Variants in CLVS2 observed in about 807,000 individuals in gnomAD.
CLVS2 encodes clavesin-2.
A neutral mutation model predicts 29.0 loss-of-function variants in CLVS2; 19 were observed. The observed-to-expected ratio is 0.66, with a 90% CI of 0.46 to 0.96. The LOEUF is 0.96. Ranked by LOEUF, CLVS2 falls within the 40% of genes least tolerant of loss-of-function variation. The probability of loss-of-function intolerance (pLI) is 0.00; values close to 1 mark genes in which losing one functional copy is unlikely to be tolerated. For missense variants in CLVS2, 294 were observed against 404.1 expected (o/e 0.73, Z 2.34); for synonymous variants, 161 against 151.3 (o/e 1.06, Z -0.47).
In CLVS2 at chr6:123,063,718, A is replaced by T; in HGVS notation, c.941A>T (p.Lys314Ile). ...CCTACAGTACTAAAACGCATGGATA[A>T]AAATGAGGAAGAAAACATGCAACCA... ...VDPTVLKRMD[K>I]NEEENMQPLL... The change falls in exon 6 of 6, where the codon AAA (lysine) becomes ATA (isoleucine). Residue 314 changes from lysine to isoleucine, a missense_variant. Around this residue, in one of 2 missense-constraint regions of CLVS2, gnomAD observed 82 missense variants for 67.8 expected, o/e 1.21. Transcript: ENST00000275162. The T allele has an allele frequency of 1.9e-6, 3 of 1,612,530 alleles. No individual in the cohort carries two copies.
At chr6:123,018,610 A>G (rs1774875239) in intron 3 of CLVS2, among the ~76,000 whole-genome samples, 1 of 150,722 alleles carries the variant, frequency 6.6e-6, no homozygotes, top group Non-Finnish European at 1.5e-5. Context: ...CTCTTGTTCT[A>G]TTCTCTTAAG....
intron 3 of CLVS2, among the ~76,000 whole-genome samples, chr6:123,039,936 G>T (rs1775204028): frequency 6.6e-6 from 1 of 152,148 alleles, no homozygotes; most frequent in Non-Finnish European, 1.5e-5. Context: ...TCAGGACTCA[G>T]ACATTTCACT....
intron 3 of CLVS2, among the ~76,000 whole-genome samples, chr6:123,048,232 G>T (rs1772545221): frequency 6.6e-6 from 1 of 151,614 alleles, no homozygotes; most frequent in Non-Finnish European, 1.5e-5. Flanking sequence ...TTAAAAAATA[G>T]ATTTTAATAT....
chr6:123,010,147 T>A (rs1774728216), intron 2 of CLVS2, among the ~76,000 whole-genome samples: 1 of 152,054 alleles, frequency 6.6e-6, no homozygotes, highest in Admixed American at 6.6e-5. Flanking sequence ...GTCCTCACAT[T>A]GTCACAGTAT....
At chr6:123,023,010 G>A (rs903058416) in intron 3 of CLVS2, among the ~76,000 whole-genome samples, 2 of 152,106 alleles carry the variant, frequency 1.3e-5, no homozygotes, top group African/African-American at 4.8e-5. Flanking sequence ...TTTAGTTAGG[G>A]AAAGGGAAGT....
chr6:123,012,109 T>C (rs928314255), intron 3 of CLVS2, among the ~76,000 whole-genome samples: 1 of 151,950 alleles, frequency 6.6e-6, no homozygotes, highest in Non-Finnish European at 1.5e-5. Context: ...ATGTTTCTTC[T>C]CCATATAGGT....
chr6:123,062,706 C>A (rs1477708367), intron 5 of CLVS2, among the ~76,000 whole-genome samples: 1 of 151,992 alleles, frequency 6.6e-6, no homozygotes, highest in Non-Finnish European at 1.5e-5. Context: ...TTTTCATTTG[C>A]ATGTGCAGTT....
chr6:123,007,074 T>C (rs1474190653), intron 2 of CLVS2, among the ~76,000 whole-genome samples: 1 of 152,200 alleles, frequency 6.6e-6, no homozygotes, highest in African/African-American at 2.4e-5. Context: ...TGTTAAAAAC[T>C]TTACATATAT....
At chr6:123,005,361 C>G (rs745899933) in intron 2 of CLVS2, among the ~76,000 whole-genome samples, 3 of 152,098 alleles carry the variant, frequency 2.0e-5, no homozygotes, top group Non-Finnish European at 4.4e-5. Flanking sequence ...TCCCCTCCCC[C>G]TAGCACCTTC....
chr6:123,055,695 C>T, intron 4 of CLVS2, 111 bp from the exon 5 acceptor site: 1 of 743,798 alleles, frequency 1.3e-6, no homozygotes, highest in Non-Finnish European at 2.4e-6. Context: ...CTTTAACAGA[C>T]ATGCGAAACT....
chr6:123,038,943 G>A (rs1208651905), intron 3 of CLVS2, among the ~76,000 whole-genome samples: 1 of 152,126 alleles, frequency 6.6e-6, no homozygotes. Flanking sequence ...GACATAACAA[G>A]TATGTTTTGA....
chr6:123,018,058 A>G (rs36004796), intron 3 of CLVS2, among the ~76,000 whole-genome samples: 1 of 152,238 alleles, frequency 6.6e-6, no homozygotes, highest in African/African-American at 2.4e-5. Flanking sequence ...TTGAAGTAAC[A>G]CAAAGGAAAG....
chr6:123,026,385 A>G (rs1421185071), intron 3 of CLVS2, among the ~76,000 whole-genome samples: 2 of 152,216 alleles, frequency 1.3e-5, no homozygotes, highest in East Asian at 3.9e-4. Context: ...TAAAAAGTAA[A>G]GCAAATTATT....
intron 2 of CLVS2, among the ~76,000 whole-genome samples, chr6:122,999,186 T>C (rs1774554045): frequency 6.6e-6 from 1 of 152,190 alleles, no homozygotes; most frequent in Admixed American, 6.5e-5. Context: ...AATGGTGACT[T>C]TCAATGCATC....
intron 3 of CLVS2, among the ~76,000 whole-genome samples, chr6:123,027,547 A>G (rs1020659404): frequency 3.3e-5 from 5 of 152,222 alleles, no homozygotes; most frequent in African/African-American, 1.2e-4. Context: ...CCTTGCCTTT[A>G]GCCTGCCCCT....
intron 3 of CLVS2, among the ~76,000 whole-genome samples, chr6:123,011,686 A>G (rs572542844): frequency 6.6e-6 from 1 of 152,024 alleles, no homozygotes; most frequent in Admixed American, 6.6e-5. Context: ...TGGAATTTAT[A>G]TAGGAATAGT....
chr6:123,004,376 A>G (rs536663112), intron 2 of CLVS2, among the ~76,000 whole-genome samples: 1 of 152,340 alleles, frequency 6.6e-6, no homozygotes, highest in South Asian at 2.1e-4. Flanking sequence ...CCACAGCAGT[A>G]AAATTAAAGC....
At chr6:123,051,588 G>A (rs1466371834) in intron 4 of CLVS2, among the ~76,000 whole-genome samples, 2 of 152,180 alleles carry the variant, frequency 1.3e-5, no homozygotes, top group African/African-American at 4.8e-5. Flanking sequence ...TGGGAAACAG[G>A]TTTTCCTACT....
At position 122,996,760 on chromosome 6, in the gene CLVS2, C is replaced by T. The variant is rs556716525; in HGVS notation, c.-560+14C>T. On this transcript the variant is annotated intron_variant, in intron 1 of 5. Coordinates refer to ENST00000275162, the MANE Select transcript of CLVS2 (RefSeq NM_001010852.4). ...CTGGGTTTGCTGGTAGGAGCGGCTG[C>T]TCTTTCTTCTTTCTTGCTTTGGGGT... is the stretch of plus-strand genomic sequence containing the variant. The T allele has an allele frequency of 1.2e-5, 2 of 166,736 alleles. No homozygotes were observed. The highest frequency in any genetic ancestry group is 2.4e-5 in the African/African-American group (1 of 41,602). The allele number at this position is 166,736 out of a possible 1,614,324, so 10.3% of individuals were successfully genotyped here. A position where few individuals can be genotyped will look rare whatever the true frequency, so the allele number is the denominator to read the frequency against.
Sources: gnomAD v4.1 joint callset for allele counts (sites outside exome capture counted in the v4.1 genomes callset) on GRCh38, gnomAD v4.1.1 for gene constraint, gnomAD v4.1.1 regional missense constraint, MANE v1.5 for transcripts, NCBI Gene and HGNC (gene_info 2026-07-23, HGNC 2026-07-21) for gene names.